ULK4: variants seen among roughly 807,000 people sequenced by gnomAD.
ULK4 encodes the protein unc-51 like kinase 4.
Under a neutral mutation model 160.6 loss-of-function variants are expected in ULK4, and 133 were observed. The ratio of observed to expected loss-of-function variants is 0.83; its 90% confidence interval spans 0.72 to 0.96. ULK4 has a LOEUF of 0.96. Ranked by LOEUF, ULK4 falls within the 40% of genes least tolerant of loss-of-function variation. The pLI is 0.00. For missense variants in ULK4, 1,580 were observed against 1,499.5 expected (o/e 1.05, Z -0.89); for synonymous variants, 534 against 539.8 (o/e 0.99, Z 0.15).
intron 35 of ULK4, among the ~76,000 whole-genome samples, chr3:41,267,875 G>T (rs1005594913): frequency 2.0e-5 from 3 of 152,160 alleles, no homozygotes; most frequent in African/African-American, 4.8e-5. Flanking sequence ...CACTGAGAAA[G>T]AATGAAGGAG....
chr3:41,533,561 C>T (rs2125943149), intron 32 of ULK4, among the ~76,000 whole-genome samples: 1 of 152,242 alleles, frequency 6.6e-6, no homozygotes, highest in Non-Finnish European at 1.5e-5. Flanking sequence ...TGTGGGCTAC[C>T]CACCTAATTC....
intron 19 of ULK4, among the ~76,000 whole-genome samples, chr3:41,813,661 TAC>T (rs1206582499): frequency 6.6e-5 from 10 of 152,216 alleles, no homozygotes; most frequent in Admixed American, 1.3e-4. Context: ...AGCTAAAATG[TAC>T]AGTTATATTT....
At chr3:41,659,282 CA>C (rs2035058025) in intron 30 of ULK4, among the ~76,000 whole-genome samples, 1 of 152,112 alleles carries the variant, frequency 6.6e-6, no homozygotes, top group Non-Finnish European at 1.5e-5. Flanking sequence ...TTCATGGCTG[CA>C]CTATTCATGA....
chr3:41,288,597 A>G (rs547572720), intron 35 of ULK4, among the ~76,000 whole-genome samples: 2 of 152,358 alleles, frequency 1.3e-5, no homozygotes, highest in East Asian at 3.9e-4. Flanking sequence ...GAAGCCAGGC[A>G]GGCTTTGAAA....
At chr3:41,728,664 G>A (rs1048583077) in intron 22 of ULK4, among the ~76,000 whole-genome samples, 3 of 152,114 alleles carry the variant, frequency 2.0e-5, no homozygotes, top group Admixed American at 6.6e-5. Flanking sequence ...AGGAAACTGA[G>A]GAAGAGTGAC....
At chr3:41,912,397 C>A (rs938917950) in intron 9 of ULK4, among the ~76,000 whole-genome samples, 1 of 151,274 alleles carries the variant, frequency 6.6e-6, no homozygotes, top group Admixed American at 6.6e-5. Flanking sequence ...ATTACCTCAT[C>A]ATGTAGTAAA....
intron 32 of ULK4, among the ~76,000 whole-genome samples, chr3:41,504,800 G>T (rs1408906691): frequency 6.6e-6 from 1 of 152,094 alleles, no homozygotes; most frequent in East Asian, 1.9e-4. Context: ...TTCATTTGCA[G>T]ATAGATCATT....
intron 35 of ULK4, among the ~76,000 whole-genome samples, chr3:41,306,737 G>A (rs1212126521): frequency 1.3e-5 from 2 of 151,880 alleles, no homozygotes; most frequent in Non-Finnish European, 2.9e-5. Context: ...TTGAGAAATC[G>A]GATGGTTGCC....
chr3:41,560,746 G>C (rs2087530688), intron 32 of ULK4, among the ~76,000 whole-genome samples: 1 of 152,202 alleles, frequency 6.6e-6, no homozygotes, highest in Non-Finnish European at 1.5e-5. Flanking sequence ...TTGCTTATCA[G>C]CTTAAGGAGA....
intron 34 of ULK4, among the ~76,000 whole-genome samples, chr3:41,405,744 T>C (rs2082280836): frequency 1.3e-5 from 2 of 152,216 alleles, no homozygotes; most frequent in Admixed American, 6.5e-5. Context: ...CTTTTTCATA[T>C]GCTTCTTGGC....
chr3:41,784,896 T>C (rs73828266), intron 21 of ULK4, among the ~76,000 whole-genome samples: 8,785 of 152,238 alleles, frequency 0.058, 829 homozygotes, highest in African/African-American at 0.19. Context: ...CAGAGATTAA[T>C]TACAAACTAC....
At chr3:41,734,498 C>A (rs1218205456) in intron 22 of ULK4, among the ~76,000 whole-genome samples, 2 of 152,038 alleles carry the variant, frequency 1.3e-5, no homozygotes, top group Non-Finnish European at 2.9e-5. Flanking sequence ...GAGAAAAGTT[C>A]ATCTAAGTGT....
rs574330930 is a variant in ULK4 at position 41,298,720 on chromosome 3, A to T, written c.3679-49146T>A. Among the ~76,000 whole-genome samples the T allele has an allele frequency of 2.0e-5, 3 of 152,352 alleles. No individual in the cohort carries two copies. In the East Asian group the frequency reaches 5.8e-4, roughly 29 times the overall value. On this transcript the variant is annotated intron_variant, in intron 35 of 36. Coordinates refer to ENST00000301831, the MANE Select transcript of ULK4 (RefSeq NM_017886.4). ...ATCCTCAAGTCATAGAGAGTCAAAC[A>T]GAAGAGATATTCAAAATCTTTAAGA...
intron 35 of ULK4, among the ~76,000 whole-genome samples, chr3:41,331,068 CT>C (rs1384131796): frequency 6.6e-6 from 1 of 152,222 alleles, no homozygotes; most frequent in Non-Finnish European, 1.5e-5. Flanking sequence ...CCCTAGTGAA[CT>C]CTTTTAGGCA....
intron 21 of ULK4, 146 bp downstream of exon 21, chr3:41,789,515 T>C: frequency 1.6e-6 from 1 of 624,682 alleles, no homozygotes; most frequent in Non-Finnish European, 2.5e-6. Context: ...AGATGAACAT[T>C]CTGTGGTACA....
intron 30 of ULK4, among the ~76,000 whole-genome samples, chr3:41,640,731 C>A (rs2034150344): frequency 6.6e-6 from 1 of 152,064 alleles, no homozygotes; most frequent in Non-Finnish European, 1.5e-5. Flanking sequence ...AGCAAGGAAC[C>A]TGGAAGAGAC....
chr3:41,909,250 G>T (rs1385519136), intron 11 of ULK4, among the ~76,000 whole-genome samples: 2 of 151,880 alleles, frequency 1.3e-5, no homozygotes, highest in Non-Finnish European at 2.9e-5. Flanking sequence ...AACAGAGCAA[G>T]ACTCCATCTC....
intron 34 of ULK4, among the ~76,000 whole-genome samples, chr3:41,404,027 T>A (rs1391567966): frequency 6.6e-6 from 1 of 152,092 alleles, no homozygotes; most frequent in Non-Finnish European, 1.5e-5. Context: ...TAGTGGTGAG[T>A]GTTCCATGGG....
At chr3:41,311,334 T>C (rs950321474) in intron 35 of ULK4, among the ~76,000 whole-genome samples, 5 of 152,116 alleles carry the variant, frequency 3.3e-5, no homozygotes, top group African/African-American at 1.2e-4. Flanking sequence ...GTGGACACCA[T>C]CTAATCAGCT....
Sources: allele counts gnomAD v4.1 joint callset (sites outside exome capture counted in the v4.1 genomes callset), GRCh38; gene constraint gnomAD v4.1.1; transcripts MANE v1.5; gene names NCBI Gene and HGNC (gene_info 2026-07-23, HGNC 2026-07-21).